ZC3H12B: variants seen among roughly 807,000 people sequenced by gnomAD.
The protein encoded by ZC3H12B is zinc finger CCCH-type containing 12B, also known as probable ribonuclease ZC3H12B.
Under a neutral mutation model 43.9 loss-of-function variants are expected in ZC3H12B, and 7 were observed. The ratio of observed to expected loss-of-function variants is 0.16; its 90% CI spans 0.09 to 0.30. ZC3H12B has a LOEUF of 0.30. ZC3H12B is among the 10% of genes least tolerant of loss of function. The pLI is 1.00. For synonymous variants in ZC3H12B, 222 were observed against 241.7 expected, an observed-to-expected ratio of 0.92 and a Z score of 0.76; for missense variants, 475 against 670.2, an observed-to-expected ratio of 0.71 and a Z score of 3.22.
At chrX:65,495,303 T>G (rs1244588727) in intron 1 of ZC3H12B, among the ~76,000 whole-genome samples, 1 of 112,331 alleles carries the variant, frequency 8.9e-6, no homozygotes, top group African/African-American at 3.2e-5. Context: ...ATTTAATAAA[T>G]TTTTGCAATT....
chrX:65,140,486 AT>A, the ZC3H12B span, among the ~76,000 whole-genome samples: 1 of 111,594 alleles, frequency 9.0e-6, no homozygotes, highest in Non-Finnish European at 1.9e-5. Flanking sequence ...GGGCTGCTGG[AT>A]TCATTTTGCT....
the ZC3H12B span, among the ~76,000 whole-genome samples, chrX:65,244,334 G>A: frequency 9.0e-6 from 1 of 111,063 alleles, no homozygotes; most frequent in Non-Finnish European, 1.9e-5. Context: ...TAATGATAAT[G>A]AAAAAATATC....
the ZC3H12B span, among the ~76,000 whole-genome samples, chrX:65,325,296 G>C: frequency 9.0e-6 from 1 of 111,367 alleles, no homozygotes; most frequent in Non-Finnish European, 1.9e-5. Context: ...AAATGAGAAA[G>C]AAAGATGTAA....
the ZC3H12B span, among the ~76,000 whole-genome samples, chrX:65,145,957 C>T: frequency 1.4e-4 from 16 of 111,247 alleles, no homozygotes; most frequent in African/African-American, 5.2e-4. Flanking sequence ...GATGACAATG[C>T]CTAGGTGATT....
intron 3 of ZC3H12B, among the ~76,000 whole-genome samples, chrX:65,463,757 G>T (rs901969581): frequency 1.8e-5 from 2 of 110,604 alleles, no homozygotes; most frequent in African/African-American, 6.6e-5. Flanking sequence ...AAATATGCTG[G>T]TTTCTTATCA....
the ZC3H12B span, among the ~76,000 whole-genome samples, chrX:65,053,042 TC>T: frequency 6.3e-5 from 7 of 111,594 alleles, no homozygotes; most frequent in Admixed American, 5.7e-4. Context: ...GACATTGAGA[TC>T]CTTTTCACCA....
chrX:65,393,795 A>G (rs2066659399), intron 2 of ZC3H12B, among the ~76,000 whole-genome samples: 1 of 112,013 alleles, frequency 8.9e-6, no homozygotes, highest in Non-Finnish European at 1.9e-5. Flanking sequence ...ACAATGGTTG[A>G]ACTAATTTAC....
chrX:65,402,962 C>T (rs866107070), intron 3 of ZC3H12B, among the ~76,000 whole-genome samples: 6 of 112,200 alleles, frequency 5.3e-5, no homozygotes, highest in Non-Finnish European at 9.4e-5. Context: ...GAAAGCATAA[C>T]CTCACCAAAT....
rs1475220380 is a variant in ZC3H12B at position 65,471,475 on chromosome X, G to A, written n.408-17171G>A. On this transcript the variant is annotated intron_variant and non_coding_transcript_variant, in intron 3 of 5. Coordinates refer to the ZC3H12B transcript ENST00000617377. ...TTTTTTTTTTTTTTTTTTTGAGATA[G>A]AGTCTCACTCTGTCACACAGGCTGG... Among the ~76,000 whole-genome samples, 7 of 82,069 alleles carry A rather than the reference G, an allele frequency of 8.5e-5. No homozygotes were observed. In the Admixed American group the frequency reaches 9.4e-4, roughly 11 times the overall value. 71.3% of individuals were successfully genotyped at this position (82,069 alleles called of 115,157 possible).
At chrX:65,461,092 G>A (rs976185674) in intron 3 of ZC3H12B, among the ~76,000 whole-genome samples, 3 of 112,153 alleles carry the variant, frequency 2.7e-5, no homozygotes, top group African/African-American at 9.7e-5. Context: ...GCAGCCAAAA[G>A]ACACATGAAA....
At chrX:65,430,667 A>C in intron 3 of ZC3H12B, among the ~76,000 whole-genome samples, 1 of 109,943 alleles carries the variant, frequency 9.1e-6, no homozygotes, top group Admixed American at 9.7e-5. Context: ...TACAAAGGAC[A>C]TGAACTCATC....
chrX:65,262,487 G>T, the ZC3H12B span, among the ~76,000 whole-genome samples: 2 of 111,157 alleles, frequency 1.8e-5, no homozygotes, highest in South Asian at 7.5e-4. Flanking sequence ...TGTCAATTTG[G>T]GTGATGTTGT....
At chrX:65,137,656 A>G in the ZC3H12B span, among the ~76,000 whole-genome samples, 42 of 112,270 alleles carry the variant, frequency 3.7e-4, no homozygotes, top group African/African-American at 1.3e-3. Flanking sequence ...TAGATTTGTG[A>G]CATTTTTCGG....
At chrX:65,349,939 C>G in the ZC3H12B span, among the ~76,000 whole-genome samples, 1 of 112,109 alleles carries the variant, frequency 8.9e-6, no homozygotes, top group Non-Finnish European at 1.9e-5. Flanking sequence ...CAAAGAGGAG[C>G]TGGTACCATT....
At chrX:65,187,486 A>G in the ZC3H12B span, among the ~76,000 whole-genome samples, 2 of 111,762 alleles carry the variant, frequency 1.8e-5, no homozygotes, top group African/African-American at 3.2e-5. Context: ...AGGAAAATAC[A>G]TTTCTAATTC....
At chrX:65,343,568 A>G in the ZC3H12B span, among the ~76,000 whole-genome samples, 3 of 112,414 alleles carry the variant, frequency 2.7e-5, no homozygotes, top group Admixed American at 9.4e-5. Context: ...AGAACTAAAG[A>G]CAAAAGCCAC....
the ZC3H12B span, among the ~76,000 whole-genome samples, chrX:65,274,407 C>A: frequency 8.1e-5 from 9 of 110,523 alleles, no homozygotes; most frequent in Admixed American, 7.7e-4. Flanking sequence ...ATCTCCAGCA[C>A]TGAGGCTCCA....
At chrX:65,066,593 A>G in the ZC3H12B span, among the ~76,000 whole-genome samples, 4 of 111,757 alleles carry the variant, frequency 3.6e-5, no homozygotes, top group African/African-American at 1.3e-4. Flanking sequence ...GCTGGGAGGT[A>G]TCTCCTAGTC....
At chrX:65,171,449 C>T in the ZC3H12B span, among the ~76,000 whole-genome samples, 3 of 110,643 alleles carry the variant, frequency 2.7e-5, no homozygotes, top group Non-Finnish European at 5.7e-5. Flanking sequence ...TCAGTCGGCC[C>T]GTATTGGGAG....
Sources: allele counts gnomAD v4.1 joint callset (sites outside exome capture counted in the v4.1 genomes callset), GRCh38; gene constraint gnomAD v4.1.1; transcripts MANE v1.5; gene names NCBI Gene and HGNC (gene_info 2026-07-23, HGNC 2026-07-21).